The following NCALD variants were observed in gnomAD, a reference collection of about 807,000 sequenced individuals.
NCALD encodes the protein neurocalcin delta.
A neutral mutation model predicts 18.6 loss-of-function variants in NCALD; 10 were observed. The ratio of observed to expected loss-of-function variants is 0.54; its 90% confidence interval spans 0.33 to 0.91. NCALD has a LOEUF of 0.91. NCALD is among the 40% of genes least tolerant of loss of function. The pLI, the probability that NCALD is intolerant of heterozygous loss-of-function variation, is 0.03. For synonymous variants in NCALD, 88 were observed against 87.4 expected (o/e 1.01, Z -0.04); for missense variants, 184 against 247.6 (o/e 0.74, Z 1.72).
At chr8:101,887,201 A>C (rs1332313891) in exon 4 of NCALD, 3 of 152,170 alleles carry the variant, frequency 2.0e-5, no homozygotes, top group Admixed American at 2.0e-4. Context: ...GACAGATTTT[A>C]ACACCAGGAG....
At chr8:101,787,714 C>T (rs1242752937) in intron 1 of NCALD, among the ~76,000 whole-genome samples, 1 of 152,166 alleles carries the variant, frequency 6.6e-6, no homozygotes, top group Admixed American at 6.6e-5. Context: ...CATTCAGATA[C>T]TTGGGAAGTG....
chr8:101,797,970 C>A (rs1812704072), intron 4 of NCALD, among the ~76,000 whole-genome samples: 1 of 152,122 alleles, frequency 6.6e-6, no homozygotes, highest in Non-Finnish European at 1.5e-5. Flanking sequence ...CAACACAATT[C>A]ATGATAAAAA....
At chr8:101,777,695 C>T (rs958968802) in intron 1 of NCALD, among the ~76,000 whole-genome samples, 1 of 152,204 alleles carries the variant, frequency 6.6e-6, no homozygotes, top group African/African-American at 2.4e-5. Flanking sequence ...AATAAAATCT[C>T]TCTTCAAGAT....
intron 3 of NCALD, among the ~76,000 whole-genome samples, chr8:101,913,084 A>G (rs899973241): frequency 6.6e-6 from 1 of 152,222 alleles, no homozygotes; most frequent in Non-Finnish European, 1.5e-5. Context: ...CTCAAGCTCC[A>G]GACAAGAACA....
exon 2 of NCALD, chr8:102,020,252 T>C (rs1822228526): frequency 6.6e-6 from 1 of 151,700 alleles, no homozygotes; most frequent in East Asian, 1.9e-4. Context: ...GGTAGATCTC[T>C]CACAGCACAC....
chr8:101,978,274 G>C (rs992249308), intron 2 of NCALD, among the ~76,000 whole-genome samples: 3 of 151,986 alleles, frequency 2.0e-5, no homozygotes, highest in African/African-American at 7.3e-5. Flanking sequence ...TAAGCAAATG[G>C]CAATTAAGAG....
At chr8:102,095,143 T>C (rs981491640) in intron 1 of NCALD, among the ~76,000 whole-genome samples, 6 of 152,200 alleles carry the variant, frequency 3.9e-5, no homozygotes, top group African/African-American at 1.4e-4. Context: ...GTGAGGCCCA[T>C]GTCACATGAT....
chr8:101,737,730 A>C (rs1311513477), intron 1 of NCALD, among the ~76,000 whole-genome samples: 1 of 152,194 alleles, frequency 6.6e-6, no homozygotes, highest in Admixed American at 6.5e-5. Flanking sequence ...GGAGATGGTC[A>C]CTTCCATTCG....
At chr8:102,120,917 T>C (rs1229199648) in intron 1 of NCALD, among the ~76,000 whole-genome samples, 3 of 152,378 alleles carry the variant, frequency 2.0e-5, no homozygotes, top group South Asian at 4.1e-4. Context: ...CCCTGATTTC[T>C]GTCTTCATTA....
intron 1 of NCALD, among the ~76,000 whole-genome samples, chr8:102,046,737 C>T (rs1047386646): frequency 2.0e-5 from 3 of 151,362 alleles, no homozygotes; most frequent in Admixed American, 6.6e-5. Context: ...TCTCAGCCTC[C>T]GGAAGTACTG....
intron 3 of NCALD, among the ~76,000 whole-genome samples, chr8:101,894,697 C>A (rs1225753698): frequency 5.3e-5 from 8 of 151,236 alleles, no homozygotes; most frequent in African/African-American, 2.0e-4. Flanking sequence ...ACAGATCCCA[C>A]AGAAATACAA....
intron 1 of NCALD, among the ~76,000 whole-genome samples, chr8:102,087,900 T>C (rs1824792893): frequency 2.8e-5 from 1 of 36,302 alleles, no homozygotes; most frequent in South Asian, 1.1e-3. Context: ...AAGCAATGCT[T>C]TCCTCTCTCT....
chr8:102,059,146 T>C (rs1361952602), intron 1 of NCALD, among the ~76,000 whole-genome samples: 1 of 152,238 alleles, frequency 6.6e-6, no homozygotes, highest in African/African-American at 2.4e-5. Flanking sequence ...TAGTTCCGTA[T>C]GTATTCCCCT....
chr8:101,761,319 A>C (rs1811099505), intron 1 of NCALD, among the ~76,000 whole-genome samples: 1 of 152,196 alleles, frequency 6.6e-6, no homozygotes, highest in African/African-American at 2.4e-5. Flanking sequence ...TGGAACATGA[A>C]GCCATTTAGT....
At position 102,078,359 on chromosome 8, in the gene NCALD, A is replaced by G. The variant is rs561271817; in HGVS notation, c.-210+45878T>C. Among the ~76,000 whole-genome samples the G allele has an allele frequency of 8.2e-4, 124 of 152,138 alleles. 1 individual carries two copies. Among genetic ancestry groups the G allele is most frequent in the Non-Finnish European group, 1.6e-3 (109 of 68,036 alleles). Reference sequence around the variant, plus strand: ...TTTGTTCCTACTCTTGCCCCTCTACATTCTATTTTTCACACAGCCACCACA... The same window carrying G: ...TTTGTTCCTACTCTTGCCCCTCTACGTTCTATTTTTCACACAGCCACCACA... On this transcript the variant is annotated intron_variant, in intron 1 of 6. Coordinates refer to the NCALD transcript ENST00000311028.
At chr8:101,939,378 C>A (rs1039687763) in intron 2 of NCALD, among the ~76,000 whole-genome samples, 8 of 152,164 alleles carry the variant, frequency 5.3e-5, no homozygotes, top group Non-Finnish European at 1.2e-4. Flanking sequence ...TAATGAGGCA[C>A]ACCTTTGTAA....
chr8:101,690,638 C>T, intron 3 of NCALD: 8 of 985,416 alleles, frequency 8.1e-6, no homozygotes, highest in Non-Finnish European at 9.6e-6. Flanking sequence ...CCGCCAGAAC[C>T]TAGTTCTTGT....
chr8:101,983,543 A>C (rs960447464), intron 2 of NCALD, among the ~76,000 whole-genome samples: 1 of 152,226 alleles, frequency 6.6e-6, no homozygotes, highest in African/African-American at 2.4e-5. Flanking sequence ...TTAGGCCTCC[A>C]TGATGAGCTT....
At chr8:101,915,069 T>G (rs1817927906) in intron 3 of NCALD, among the ~76,000 whole-genome samples, 1 of 152,348 alleles carries the variant, frequency 6.6e-6, no homozygotes, top group South Asian at 2.1e-4. Context: ...TTGAAAATAT[T>G]AACTCATTTA....
Sources: allele counts gnomAD v4.1 joint callset (sites outside exome capture counted in the v4.1 genomes callset), GRCh38; gene constraint gnomAD v4.1.1; transcripts MANE v1.5; gene names NCBI Gene and HGNC (gene_info 2026-07-23, HGNC 2026-07-21).